Variants in ITCH observed in about 807,000 individuals in gnomAD.
ITCH encodes the protein itchy E3 ubiquitin protein ligase.
ITCH carries 28 observed loss-of-function variants against 126.8 expected under a neutral mutation model. That is an observed-to-expected ratio of 0.22 (90% confidence interval 0.16 to 0.30). The LOEUF (loss-of-function observed/expected upper bound fraction) is 0.30, where lower values mean the gene tolerates loss of function less well. Among genes scored for constraint, ITCH ranks in the 10% least tolerant of loss-of-function variants. The pLI is 1.00. For missense variants in ITCH, 631 were observed against 1,032.4 expected (o/e 0.61, Z 5.33); for synonymous variants, 342 against 340.0 (o/e 1.01, Z -0.06).
intron 3 of ITCH, among the ~76,000 whole-genome samples, chr20:34,404,415 CTTTTTTTTTTTT>C (rs1302908229): frequency 8.3e-6 from 1 of 120,522 alleles, no homozygotes; most frequent in Non-Finnish European, 1.8e-5. Context: ...GAGCTTCTGT[CTTTTTTTTTTTT>C]TTTTTTTTTG....
intron 22 of ITCH, among the ~76,000 whole-genome samples, chr20:34,491,750 A>T (rs900844043): frequency 1.3e-5 from 2 of 152,228 alleles, no homozygotes; most frequent in African/African-American, 4.8e-5. Flanking sequence ...CAGGCTAGAA[A>T]CATTCTCTAG....
chr20:34,463,191 C>T (rs1224357368), intron 14 of ITCH, among the ~76,000 whole-genome samples: 2 of 152,108 alleles, frequency 1.3e-5, no homozygotes, highest in African/African-American at 2.4e-5. Context: ...GGCAAAACCC[C>T]ATCTCTACTA....
chr20:34,430,231 G>A lies in ITCH; in HGVS notation c.521+5706G>A, dbSNP rs568274942. Among the ~76,000 whole-genome samples, 5 of 152,288 alleles carry A rather than the reference G, an allele frequency of 3.3e-5. No homozygotes were observed. In the East Asian group the frequency reaches 7.7e-4, roughly 23 times the overall value. Reference sequence around the variant, plus strand: ...TAGAAAGGGAAAGGAACTTGCTTGAGTTAATAGCGTTAAGTGGGACAGTTG... The same window carrying A: ...TAGAAAGGGAAAGGAACTTGCTTGAATTAATAGCGTTAAGTGGGACAGTTG... On this transcript the variant is annotated intron_variant, in intron 7 of 24. Coordinates refer to ENST00000374864, the MANE Select transcript of ITCH (RefSeq NM_031483.7).
intron 22 of ITCH, 42 bp downstream of exon 22, chr20:34,489,968 T>A (rs1408277875): frequency 9.6e-6 from 14 of 1,455,530 alleles, no homozygotes; most frequent in Non-Finnish European, 1.3e-5. Flanking sequence ...CACAGCATAA[T>A]TTTTTAGAAT....
At chr20:34,503,643 G>A (rs998664754) in intron 23 of ITCH, among the ~76,000 whole-genome samples, 2 of 152,034 alleles carry the variant, frequency 1.3e-5, no homozygotes, top group Non-Finnish European at 2.9e-5. Flanking sequence ...GTGTTCTTGT[G>A]TAAGCTTTTA....
chr20:34,403,363 T>G (rs971541128), intron 3 of ITCH, among the ~76,000 whole-genome samples: 1 of 152,158 alleles, frequency 6.6e-6, no homozygotes, highest in Admixed American at 6.6e-5. Context: ...AACATTAGTT[T>G]AAGCCATGAA....
chr20:34,388,623 T>C (rs1032846968), intron 2 of ITCH, among the ~76,000 whole-genome samples: 14 of 152,188 alleles, frequency 9.2e-5, no homozygotes, highest in Admixed American at 7.9e-4. Flanking sequence ...AAAAAAGTTA[T>C]GATACTCAGG....
At chr20:34,497,497 A>G (rs1473250008) in intron 23 of ITCH, among the ~76,000 whole-genome samples, 3 of 152,166 alleles carry the variant, frequency 2.0e-5, no homozygotes, top group Admixed American at 1.3e-4. Flanking sequence ...GGCTTTGGCT[A>G]TTCAGGATCC....
At chr20:34,385,255 G>T (rs1388987289) in intron 2 of ITCH, among the ~76,000 whole-genome samples, 1 of 146,112 alleles carries the variant, frequency 6.8e-6, no homozygotes, top group Non-Finnish European at 1.5e-5. Context: ...CAGAGATAGG[G>T]TGTCACTATG....
intron 20 of ITCH, among the ~76,000 whole-genome samples, chr20:34,485,693 GTTC>G (rs144379815): frequency 0.05 from 7,537 of 151,726 alleles, 283 homozygotes; most frequent in Middle Eastern, 0.082. Flanking sequence ...TCTAGATTTC[GTTC>G]TTCTTTGACG....
intron 3 of ITCH, among the ~76,000 whole-genome samples, chr20:34,397,471 C>G (rs1416508630): frequency 6.6e-6 from 1 of 152,016 alleles, no homozygotes; most frequent in Non-Finnish European, 1.5e-5. Flanking sequence ...AATTATCATC[C>G]CCTGTATTTT....
chr20:34,369,065 C>T (rs796233171), intron 1 of ITCH, among the ~76,000 whole-genome samples: 17 of 152,260 alleles, frequency 1.1e-4, no homozygotes, highest in African/African-American at 4.1e-4. Context: ...TGTGGTGGCT[C>T]ACGCCTGTAA....
intron 6 of ITCH, chr20:34,417,333 G>A: frequency 2.8e-6 from 1 of 355,632 alleles, no homozygotes. Flanking sequence ...CCGACCTCAG[G>A]TGATCCGCCT....
chr20:34,457,816 A>T (rs1279319984), intron 13 of ITCH, among the ~76,000 whole-genome samples: 1 of 152,058 alleles, frequency 6.6e-6, no homozygotes, highest in Non-Finnish European at 1.5e-5. Flanking sequence ...GTGTGTTGGC[A>T]TGTATACCTG....
chr20:34,402,621 A>G (rs2146115494), intron 3 of ITCH: 1 of 613,542 alleles, frequency 1.6e-6, no homozygotes, highest in East Asian at 3.3e-5. Flanking sequence ...CAGTTGGTAC[A>G]TATTCTGATG....
At chr20:34,484,395 T>C (rs894522682) in intron 20 of ITCH, among the ~76,000 whole-genome samples, 1 of 152,230 alleles carries the variant, frequency 6.6e-6, no homozygotes, top group African/African-American at 2.4e-5. Context: ...TGAGCTGTCA[T>C]TATTTCTTGG....
intron 15 of ITCH, among the ~76,000 whole-genome samples, chr20:34,470,853 G>A (rs892044232): frequency 1.3e-5 from 2 of 152,148 alleles, no homozygotes; most frequent in African/African-American, 4.8e-5. Flanking sequence ...CCCAAGTGCT[G>A]GGATTACAGG....
chr20:34,483,039 T>G (rs1988867624), intron 20 of ITCH, among the ~76,000 whole-genome samples: 1 of 152,188 alleles, frequency 6.6e-6, no homozygotes, highest in Admixed American at 6.5e-5. Context: ...TTGGCCACTT[T>G]TAGTCATGCT....
At chr20:34,411,336 T>C (rs1191710540) in intron 4 of ITCH, among the ~76,000 whole-genome samples, 1 of 152,116 alleles carries the variant, frequency 6.6e-6, no homozygotes, top group Admixed American at 6.5e-5. Context: ...GTAATTTTAG[T>C]AGAGACGGGG....
Sources: gnomAD v4.1 joint callset for allele counts (sites outside exome capture counted in the v4.1 genomes callset) on GRCh38, gnomAD v4.1.1 for gene constraint, MANE v1.5 for transcripts, NCBI Gene and HGNC (gene_info 2026-07-23, HGNC 2026-07-21) for gene names.